Variants in ZNF385B observed in about 807,000 individuals in gnomAD.
The protein encoded by ZNF385B is zinc finger protein 385B, also known as zinc finger protein 533.
In ZNF385B, 23 loss-of-function variants were observed where a neutral mutation model predicts 39.2. The ratio of observed to expected loss-of-function variants is 0.59; its 90% CI spans 0.42 to 0.83. ZNF385B has a LOEUF of 0.83. Among genes scored for constraint, ZNF385B ranks in the 40% least tolerant of loss-of-function variants. The probability of loss-of-function intolerance (pLI) is 0.00; values close to 1 mark genes in which losing one functional copy is unlikely to be tolerated. For synonymous variants in ZNF385B, 205 were observed against 222.6 expected, an observed-to-expected ratio of 0.92 and a Z score of 0.70; for missense variants, 552 against 598.9, an observed-to-expected ratio of 0.92 and a Z score of 0.82.
intron 3 of ZNF385B, among the ~76,000 whole-genome samples, chr2:179,648,679 T>C (rs985752057): frequency 6.6e-6 from 1 of 152,072 alleles, no homozygotes; most frequent in African/African-American, 2.4e-5. Context: ...TGAAATGTCT[T>C]ACTGTGAACA....
intron 3 of ZNF385B, among the ~76,000 whole-genome samples, chr2:179,710,240 T>A (rs1699905635): frequency 1.3e-5 from 2 of 152,154 alleles, no homozygotes; most frequent in South Asian, 4.1e-4. Flanking sequence ...GATGCCACCC[T>A]TGGGATCCAG....
intron 3 of ZNF385B, among the ~76,000 whole-genome samples, chr2:179,606,358 C>A (rs558065861): frequency 2.0e-5 from 3 of 152,310 alleles, no homozygotes; most frequent in Admixed American, 2.0e-4. Flanking sequence ...GGACAGTAGA[C>A]TGCCTGTGTT....
chr2:179,584,936 G>A (rs1686931313), intron 3 of ZNF385B, among the ~76,000 whole-genome samples: 1 of 152,196 alleles, frequency 6.6e-6, no homozygotes, highest in Non-Finnish European at 1.5e-5. Context: ...AATCAGGGCA[G>A]TCCTGATGTC....
At chr2:179,643,426 A>G (rs144773344) in intron 3 of ZNF385B, among the ~76,000 whole-genome samples, 1 of 152,318 alleles carries the variant, frequency 6.6e-6, no homozygotes, top group Non-Finnish European at 1.5e-5. Context: ...AAGTATGAAA[A>G]TTCACTGAGA....
intron 1 of ZNF385B, among the ~76,000 whole-genome samples, chr2:179,835,752 C>T (rs1450021754): frequency 6.6e-6 from 1 of 151,852 alleles, no homozygotes. Flanking sequence ...GCCTCTAGAC[C>T]CTTCATATCA....
intron 1 of ZNF385B, among the ~76,000 whole-genome samples, chr2:179,786,366 A>C (rs1705001014): frequency 6.6e-6 from 1 of 152,198 alleles, no homozygotes; most frequent in African/African-American, 2.4e-5. Context: ...TTATATATTT[A>C]CAAAAATCCG....
intron 3 of ZNF385B, among the ~76,000 whole-genome samples, chr2:179,677,746 T>G (rs1575199509): frequency 1.3e-5 from 2 of 152,172 alleles, no homozygotes; most frequent in Non-Finnish European, 2.9e-5. Flanking sequence ...TAATCTCTCT[T>G]CTACATAAAC....
At chr2:179,512,960 G>A (rs766153345) in intron 5 of ZNF385B, among the ~76,000 whole-genome samples, 1 of 152,148 alleles carries the variant, frequency 6.6e-6, no homozygotes. Flanking sequence ...CTAGACAAAG[G>A]GGGGTACAGG....
intron 4 of ZNF385B, among the ~76,000 whole-genome samples, chr2:179,540,590 C>T (rs1199700417): frequency 1.3e-5 from 2 of 152,124 alleles, no homozygotes; most frequent in Non-Finnish European, 2.9e-5. Flanking sequence ...GTTATTATTC[C>T]CTTTAATAGA....
intron 1 of ZNF385B, among the ~76,000 whole-genome samples, chr2:179,836,030 A>G (rs1474876790): frequency 1.3e-5 from 2 of 152,230 alleles, no homozygotes; most frequent in East Asian, 3.9e-4. Flanking sequence ...AAAAAATATA[A>G]GGAAATTCTG....
chr2:179,672,498 T>C (rs1000056296), intron 3 of ZNF385B, among the ~76,000 whole-genome samples: 9 of 152,066 alleles, frequency 5.9e-5, no homozygotes, highest in Non-Finnish European at 1.3e-4. Flanking sequence ...GACATGAGGT[T>C]TAGGGGAGGA....
chr2:179,603,696 T>A (rs1262993050), intron 3 of ZNF385B, among the ~76,000 whole-genome samples: 1 of 152,168 alleles, frequency 6.6e-6, no homozygotes, highest in Non-Finnish European at 1.5e-5. Context: ...TGACCCATGA[T>A]AAAAACAGAT....
At chr2:179,764,784 T>C (rs62180388) in intron 3 of ZNF385B, among the ~76,000 whole-genome samples, 7,240 of 152,260 alleles carry the variant, frequency 0.048, 253 homozygotes, top group Middle Eastern at 0.099. Flanking sequence ...ATGAAGAAAA[T>C]GATAATGTAA....
chr2:179,522,845 AC>A (rs1250236778), intron 4 of ZNF385B: 2 of 396,230 alleles, frequency 5.0e-6, no homozygotes, highest in Non-Finnish European at 1.0e-5. Context: ...AGAAAAAAAT[AC>A]CCTATCACAT....
Position 179,627,785 on chromosome 2 carries a change from T to C in ZNF385B, c.299-82816A>G, listed in dbSNP as rs182512831. Reference sequence around the variant, plus strand: ...ATTTAATATTTTACAAATGTCAAAATTGGGTGTTTCTATTGATCAAGTTTT... The same window carrying C: ...ATTTAATATTTTACAAATGTCAAAACTGGGTGTTTCTATTGATCAAGTTTT... On this transcript the variant is annotated intron_variant, in intron 3 of 9. Coordinates refer to ENST00000410066, the MANE Select transcript of ZNF385B (RefSeq NM_152520.6). Among the ~76,000 whole-genome samples the C allele has an allele frequency of 6.4e-3, 954 of 149,996 alleles. 14 individuals carry two copies. The highest frequency in any genetic ancestry group is 0.022 in the African/African-American group (879 of 40,564).
chr2:179,492,225 A>G (rs1449753071), intron 5 of ZNF385B, among the ~76,000 whole-genome samples: 1 of 152,180 alleles, frequency 6.6e-6, no homozygotes, highest in Non-Finnish European at 1.5e-5. Context: ...TTATATCCCA[A>G]GTTGCTAATG....
chr2:179,830,572 T>G (rs1707928095), intron 1 of ZNF385B, among the ~76,000 whole-genome samples: 1 of 152,266 alleles, frequency 6.6e-6, no homozygotes, highest in South Asian at 2.1e-4. Context: ...AAAGACTTAG[T>G]GGGACTTTAA....
At chr2:179,491,875 A>AT in intron 5 of ZNF385B, among the ~76,000 whole-genome samples, 1 of 151,762 alleles carries the variant, frequency 6.6e-6, no homozygotes, top group Non-Finnish European at 1.5e-5. Context: ...TTTTTAAAAA[A>AT]TTTTTTGGAG....
At chr2:179,519,964 C>A (rs1220303387) in intron 4 of ZNF385B, among the ~76,000 whole-genome samples, 1 of 152,114 alleles carries the variant, frequency 6.6e-6, no homozygotes, top group Non-Finnish European at 1.5e-5. Context: ...TTTTTGGCTA[C>A]AATTTCAAGA....
Sources: allele counts gnomAD v4.1 joint callset (sites outside exome capture counted in the v4.1 genomes callset), GRCh38; gene constraint gnomAD v4.1.1; transcripts MANE v1.5; gene names NCBI Gene and HGNC (gene_info 2026-07-23, HGNC 2026-07-21).